SGCZ: variants seen among roughly 807,000 people sequenced by gnomAD.
The protein encoded by SGCZ is zeta-sarcoglycan.
In SGCZ, 40 loss-of-function variants were observed where a neutral mutation model predicts 41.3. The observed-to-expected ratio is 0.97, with a 90% CI of 0.75 to 1.26. SGCZ has a LOEUF of 1.26. Ranked by LOEUF, SGCZ falls within the 50% of genes most tolerant of loss-of-function variation. SGCZ has a pLI of 0.00. For synonymous variants in SGCZ, 206 were observed against 137.5 expected (o/e 1.50, Z -3.49); for missense variants, 552 against 369.8 (o/e 1.49, Z -4.04).
At chr8:14,825,875 C>T (rs1802290106) in intron 1 of SGCZ, among the ~76,000 whole-genome samples, 1 of 152,154 alleles carries the variant, frequency 6.6e-6, no homozygotes, top group South Asian at 2.1e-4. Flanking sequence ...CCACAAACTG[C>T]AGGATTTTCT....
At chr8:14,435,117 G>T (rs1051639537) in intron 2 of SGCZ, among the ~76,000 whole-genome samples, 1 of 152,078 alleles carries the variant, frequency 6.6e-6, no homozygotes, top group African/African-American at 2.4e-5. Flanking sequence ...TAATAAAAGC[G>T]TGATATTTTG....
chr8:14,917,653 T>G (rs1279698064), intron 1 of SGCZ, among the ~76,000 whole-genome samples: 1 of 152,144 alleles, frequency 6.6e-6, no homozygotes, highest in Non-Finnish European at 1.5e-5. Flanking sequence ...ATAGATCACT[T>G]ACTTTACATC....
chr8:15,194,168 T>C (rs1337688761), intron 1 of SGCZ, among the ~76,000 whole-genome samples: 1 of 148,184 alleles, frequency 6.7e-6, no homozygotes, highest in African/African-American at 2.5e-5. Context: ...GAAATAGTCC[T>C]CGTGTCCCAC....
At chr8:14,510,316 T>C (rs189918778) in intron 2 of SGCZ, among the ~76,000 whole-genome samples, 1 of 152,266 alleles carries the variant, frequency 6.6e-6, no homozygotes, top group Non-Finnish European at 1.5e-5. Context: ...GTTCTGTTAC[T>C]AGCTAGATAG....
intron 2 of SGCZ, among the ~76,000 whole-genome samples, chr8:14,443,030 A>G (rs1304628399): frequency 6.6e-6 from 1 of 152,204 alleles, no homozygotes; most frequent in African/African-American, 2.4e-5. Context: ...CCAAACAGAG[A>G]GCCAAATCAT....
chr8:14,939,252 CA>C (rs1800185635), intron 1 of SGCZ, among the ~76,000 whole-genome samples: 1 of 152,078 alleles, frequency 6.6e-6, no homozygotes, highest in South Asian at 2.1e-4. Flanking sequence ...GTACCTTTGT[CA>C]GCAGCTGGTA....
At chr8:15,055,355 C>T (rs554596175) in intron 1 of SGCZ, among the ~76,000 whole-genome samples, 1 of 152,206 alleles carries the variant, frequency 6.6e-6, no homozygotes, top group South Asian at 2.1e-4. Context: ...TATTTTTATT[C>T]TTTTTGTTAT....
chr8:14,772,997 T>G (rs536985975), intron 1 of SGCZ, among the ~76,000 whole-genome samples: 2 of 152,114 alleles, frequency 1.3e-5, no homozygotes, highest in African/African-American at 4.8e-5. Flanking sequence ...CCTGAGAAAT[T>G]GCCACACTGA....
At chr8:14,720,922 T>C (rs933573047) in intron 1 of SGCZ, among the ~76,000 whole-genome samples, 1 of 146,880 alleles carries the variant, frequency 6.8e-6, no homozygotes, top group Non-Finnish European at 1.5e-5. Context: ...GTTTTTTTTT[T>C]AATTTTTTTT....
chr8:15,203,993 C>T (rs570248578), intron 1 of SGCZ, among the ~76,000 whole-genome samples: 25 of 152,284 alleles, frequency 1.6e-4, no homozygotes, highest in African/African-American at 5.5e-4. Flanking sequence ...AAACATTTCT[C>T]ATATTATTGC....
intron 3 of SGCZ, among the ~76,000 whole-genome samples, chr8:14,267,872 T>C (rs1799927964): frequency 6.6e-6 from 1 of 152,060 alleles, no homozygotes; most frequent in Non-Finnish European, 1.5e-5. Context: ...ATTCTTAAGA[T>C]GTAAAAAAGT....
At chr8:14,364,681 A>G (rs185195871) in intron 2 of SGCZ, among the ~76,000 whole-genome samples, 67 of 152,058 alleles carry the variant, frequency 4.4e-4, no homozygotes, top group Non-Finnish European at 6.8e-4. Flanking sequence ...TTTTTGTACC[A>G]TTTGCATCTA....
chr8:14,626,999 G>C (rs146267517), intron 1 of SGCZ, among the ~76,000 whole-genome samples: 128 of 152,308 alleles, frequency 8.4e-4, no homozygotes, highest in South Asian at 1.9e-3. Context: ...AAAAGCACAT[G>C]ATAGTTGCCT....
At chr8:14,188,918 A>C (rs1380070730) in intron 4 of SGCZ, among the ~76,000 whole-genome samples, 1 of 148,668 alleles carries the variant, frequency 6.7e-6, no homozygotes, top group Non-Finnish European at 1.5e-5. Context: ...TGCAACCTCC[A>C]TCACCCGGGT....
intron 1 of SGCZ, among the ~76,000 whole-genome samples, chr8:14,763,656 A>C (rs1376686113): frequency 6.6e-6 from 1 of 152,182 alleles, no homozygotes; most frequent in Non-Finnish European, 1.5e-5. Context: ...GAGCCCCTGG[A>C]GATATGATAA....
intron 1 of SGCZ, among the ~76,000 whole-genome samples, chr8:14,928,394 T>C (rs749342994): frequency 2.0e-5 from 3 of 152,176 alleles, no homozygotes; most frequent in Non-Finnish European, 4.4e-5. Flanking sequence ...TCTACAGAGT[T>C]CTACACTAAC....
intron 3 of SGCZ, among the ~76,000 whole-genome samples, chr8:14,286,323 T>C (rs1250553792): frequency 6.6e-6 from 1 of 152,122 alleles, no homozygotes; most frequent in Non-Finnish European, 1.5e-5. Flanking sequence ...TTAAGCCTTG[T>C]CCAACTAGCA....
chr8:15,075,392 T>G (rs762880489), intron 1 of SGCZ, among the ~76,000 whole-genome samples: 2 of 152,222 alleles, frequency 1.3e-5, no homozygotes, highest in Non-Finnish European at 2.9e-5. Flanking sequence ...GGGGTCATTT[T>G]CTTTTAAAAG....
chr8:14,839,380 G>A (rs915634051), intron 1 of SGCZ, among the ~76,000 whole-genome samples: 4 of 152,104 alleles, frequency 2.6e-5, no homozygotes, highest in African/African-American at 4.8e-5. Flanking sequence ...ACCTGTGTTA[G>A]GAAATACTCA....
Sources: gnomAD v4.1 joint callset for allele counts (sites outside exome capture counted in the v4.1 genomes callset) on GRCh38, gnomAD v4.1.1 for gene constraint, MANE v1.5 for transcripts, NCBI Gene and HGNC (gene_info 2026-07-23, HGNC 2026-07-21) for gene names.